The following FSHR variants were observed in gnomAD, a reference collection of about 807,000 sequenced individuals.
FSHR encodes follicle-stimulating hormone receptor.
A neutral mutation model predicts 52.1 loss-of-function variants in FSHR; 46 were observed. That is an observed-to-expected ratio of 0.88 (90% confidence interval 0.70 to 1.13). The LOEUF (loss-of-function observed/expected upper bound fraction) is 1.13, where lower values mean the gene tolerates loss of function less well. Among genes scored for constraint, FSHR ranks in the 50% most tolerant of loss-of-function variants. The probability of loss-of-function intolerance (pLI) is 0.00; values close to 1 mark genes in which losing one functional copy is unlikely to be tolerated. For synonymous variants in FSHR, 399 were observed against 309.6 expected, an observed-to-expected ratio of 1.29 and a Z score of -3.03; for missense variants, 964 against 834.6, an observed-to-expected ratio of 1.16 and a Z score of -1.91.
intron 2 of FSHR, among the ~76,000 whole-genome samples, chr2:49,064,215 T>C (rs887617698): frequency 1.3e-5 from 2 of 151,934 alleles, no homozygotes; most frequent in Non-Finnish European, 2.9e-5. Context: ...ACAGCACAAG[T>C]TGAAGGCTGT....
chr2:49,036,808 G>C (rs1365730402), intron 2 of FSHR, among the ~76,000 whole-genome samples: 1 of 152,108 alleles, frequency 6.6e-6, no homozygotes, highest in African/African-American at 2.4e-5. Context: ...TGCGAGTTCT[G>C]GCTGACATGG....
At chr2:48,990,507 C>T (rs1343057755) in intron 5 of FSHR, 59 bp downstream of exon 5, 1 of 1,081,164 alleles carries the variant, frequency 9.2e-7, no homozygotes, top group Non-Finnish European at 1.4e-6. Context: ...GCCCAGATAG[C>T]CGTTGGGCAA....
chr2:49,046,490 T>G (rs1668659812), intron 2 of FSHR, among the ~76,000 whole-genome samples: 1 of 152,178 alleles, frequency 6.6e-6, no homozygotes, highest in Non-Finnish European at 1.5e-5. Context: ...CACTATAAAA[T>G]TAGAATGATA....
At chr2:49,020,227 G>T in intron 2 of FSHR, 67 bp from the exon 3 acceptor site, 2 of 1,268,682 alleles carry the variant, frequency 1.6e-6, no homozygotes, top group Non-Finnish European at 2.3e-6. Context: ...TTAGGGCTCA[G>T]CATAGAGCCT....
intron 2 of FSHR, among the ~76,000 whole-genome samples, chr2:49,033,551 C>T (rs1668175894): frequency 6.6e-6 from 1 of 152,078 alleles, no homozygotes; most frequent in Admixed American, 6.6e-5. Context: ...GGAAAGAGGG[C>T]ATTTGAGAGG....
chr2:49,067,588 C>T (rs931676375), intron 2 of FSHR, among the ~76,000 whole-genome samples: 1 of 152,150 alleles, frequency 6.6e-6, no homozygotes, highest in East Asian at 1.9e-4. Flanking sequence ...GGGAGGATTA[C>T]TTTAAGTATA....
intron 2 of FSHR, among the ~76,000 whole-genome samples, chr2:49,042,653 C>T (rs2104285243): frequency 6.6e-6 from 1 of 152,314 alleles, no homozygotes; most frequent in Non-Finnish European, 1.5e-5. Context: ...TTAGTGAACA[C>T]TGGAGCAGCA....
At chr2:48,988,467 G>A (rs924103683) in intron 6 of FSHR, among the ~76,000 whole-genome samples, 3 of 152,190 alleles carry the variant, frequency 2.0e-5, no homozygotes, top group Admixed American at 1.3e-4. Flanking sequence ...AACACAGAAT[G>A]CTTTTAAGAG....
chr2:49,084,159 T>C (rs1257198411), intron 1 of FSHR, among the ~76,000 whole-genome samples: 1 of 152,082 alleles, frequency 6.6e-6, no homozygotes, highest in Non-Finnish European at 1.5e-5. Flanking sequence ...CAGACCACAG[T>C]GCAATCAAAC....
chr2:49,021,899 A>AGAGAGAGAGAGAGAGAGAGAGAGG (rs1667737800), intron 2 of FSHR, among the ~76,000 whole-genome samples: 1 of 77,138 alleles, frequency 1.3e-5, no homozygotes, highest in Admixed American at 1.6e-4. Flanking sequence ...AGAGAGAGAG[A>AGAGAGAGAGAGAGAGAGAGAGAGG]GAGAGAGAGA....
chr2:48,983,038 T>C, intron 7 of FSHR, 52 bp from the exon 8 acceptor site: 1 of 1,607,934 alleles, frequency 6.2e-7, no homozygotes, highest in Non-Finnish European at 8.5e-7. Context: ...CACATAAATA[T>C]TGCTGTTGTA....
At chr2:48,992,414 T>G (rs1284040136) in intron 4 of FSHR, among the ~76,000 whole-genome samples, 2 of 152,162 alleles carry the variant, frequency 1.3e-5, no homozygotes, top group African/African-American at 4.8e-5. Flanking sequence ...AAATGTTATG[T>G]CAATGGAATC....
At chr2:49,089,716 G>A (rs930390307) in intron 1 of FSHR, among the ~76,000 whole-genome samples, 4 of 152,174 alleles carry the variant, frequency 2.6e-5, no homozygotes, top group Non-Finnish European at 4.4e-5. Context: ...AATGAGATAT[G>A]TGTCTTGATT....
intron 4 of FSHR, among the ~76,000 whole-genome samples, chr2:49,002,226 A>G (rs963056932): frequency 2.0e-5 from 3 of 152,110 alleles, no homozygotes; most frequent in African/African-American, 7.2e-5. Flanking sequence ...ACCCAGCAAT[A>G]CCTTAATACA....
At chr2:49,139,741 G>A (rs1672611178) in intron 1 of FSHR, among the ~76,000 whole-genome samples, 1 of 152,022 alleles carries the variant, frequency 6.6e-6, no homozygotes, top group Non-Finnish European at 1.5e-5. Flanking sequence ...GGGACTACAG[G>A]CACCCCTGAC....
At chr2:49,108,928 C>G (rs991248627) in intron 1 of FSHR, among the ~76,000 whole-genome samples, 1 of 152,060 alleles carries the variant, frequency 6.6e-6, no homozygotes, top group African/African-American at 2.4e-5. Flanking sequence ...AACAAAGGGA[C>G]AGTTAGGACC....
intron 1 of FSHR, among the ~76,000 whole-genome samples, chr2:49,075,666 C>A (rs2103639668): frequency 6.6e-6 from 1 of 152,108 alleles, no homozygotes; most frequent in African/African-American, 2.4e-5. Context: ...CTTGCTCTGT[C>A]ACCCAGGCTG....
intron 1 of FSHR, among the ~76,000 whole-genome samples, chr2:49,106,005 T>C (rs1671207302): frequency 6.6e-6 from 1 of 152,156 alleles, no homozygotes; most frequent in Non-Finnish European, 1.5e-5. Context: ...TTTTCTCCTC[T>C]GTAAAATGGG....
intron 1 of FSHR, among the ~76,000 whole-genome samples, chr2:49,137,192 A>G (rs989444064): frequency 1.3e-5 from 2 of 152,144 alleles, no homozygotes; most frequent in African/African-American, 2.4e-5. Flanking sequence ...ACCAAAATCA[A>G]TTGTAGTTCT....
Sources: allele counts gnomAD v4.1 joint callset (sites outside exome capture counted in the v4.1 genomes callset), GRCh38; gene constraint gnomAD v4.1.1; transcripts MANE v1.5; gene names NCBI Gene and HGNC (gene_info 2026-07-23, HGNC 2026-07-21).